SPAG16: variants seen among roughly 807,000 people sequenced by gnomAD.
SPAG16 encodes sperm associated antigen 16, also known as sperm-associated antigen 16 protein.
SPAG16 carries 86 observed loss-of-function variants against 80.4 expected under a neutral mutation model. The ratio of observed to expected loss-of-function variants is 1.07; its 90% CI spans 0.90 to 1.28. SPAG16 has a LOEUF of 1.28. Ranked by LOEUF, SPAG16 falls within the 50% of genes most tolerant of loss-of-function variation. SPAG16 has a pLI of 0.00. For synonymous variants in SPAG16, 294 were observed against 265.9 expected (o/e 1.11, Z -1.03); for missense variants, 870 against 765.3 (o/e 1.14, Z -1.61).
intron 10 of SPAG16, among the ~76,000 whole-genome samples, chr2:213,764,517 T>C (rs975168240): frequency 6.6e-6 from 1 of 152,190 alleles, no homozygotes; most frequent in Non-Finnish European, 1.5e-5. Context: ...GTATTCCACA[T>C]ATTTTTTTTA....
rs562122861 is a variant in SPAG16 at position 213,556,563 on chromosome 2, G to T, written c.1070+66473G>T. Among the ~76,000 whole-genome samples, 3 of 152,132 alleles carry T rather than the reference G, an allele frequency of 2.0e-5. No homozygotes were observed. In the South Asian group the frequency reaches 6.2e-4, roughly 32 times the overall value. ...ATGAAGATACAAAAATTATAAATGT[G>T]CACCTAACATCAGAATACCTAAGCA... is the stretch of plus-strand genomic sequence containing the variant. On this transcript the variant is annotated intron_variant, in intron 10 of 15. Transcript: ENST00000331683.
At chr2:213,468,954 T>A (rs185025415) in intron 9 of SPAG16, among the ~76,000 whole-genome samples, 51 of 152,120 alleles carry the variant, frequency 3.4e-4, no homozygotes, top group African/African-American at 1.2e-3. Context: ...CTTTTCACAA[T>A]TTTCTGTCTG....
chr2:213,521,000 C>T (rs1337045255), intron 10 of SPAG16, among the ~76,000 whole-genome samples: 1 of 152,086 alleles, frequency 6.6e-6, no homozygotes, highest in Non-Finnish European at 1.5e-5. Flanking sequence ...GCTGGGAGTG[C>T]CATCTGCCAG....
chr2:213,293,500 T>G (rs1048411175), intron 1 of SPAG16, among the ~76,000 whole-genome samples: 6 of 152,234 alleles, frequency 3.9e-5, no homozygotes, highest in Admixed American at 6.5e-5. Flanking sequence ...GACTGCTTAT[T>G]CTGGGGGTAG....
chr2:214,337,807 C>A (rs112347920), intron 15 of SPAG16, among the ~76,000 whole-genome samples: 1,954 of 152,254 alleles, frequency 0.013, 35 homozygotes, highest in African/African-American at 0.045. Context: ...TCAGGGCTTC[C>A]TTTCTGTCTT....
intron 15 of SPAG16, among the ~76,000 whole-genome samples, chr2:214,366,509 C>A (rs929251524): frequency 6.6e-6 from 1 of 152,072 alleles, no homozygotes; most frequent in African/African-American, 2.4e-5. Flanking sequence ...ATATATGTTT[C>A]TATATATTAT....
At chr2:213,739,874 C>G (rs1420869811) in intron 10 of SPAG16, among the ~76,000 whole-genome samples, 4 of 152,044 alleles carry the variant, frequency 2.6e-5, no homozygotes, top group Admixed American at 2.6e-4. Context: ...AGTGCTGGGA[C>G]CAAAAGCGTG....
intron 10 of SPAG16, among the ~76,000 whole-genome samples, chr2:213,705,192 G>C (rs1045379496): frequency 6.6e-6 from 1 of 152,092 alleles, no homozygotes; most frequent in Non-Finnish European, 1.5e-5. Context: ...AGCTTGCAGT[G>C]AGCCGTGATC....
At chr2:214,229,245 TG>T (rs1197667549) in intron 15 of SPAG16, among the ~76,000 whole-genome samples, 1 of 151,762 alleles carries the variant, frequency 6.6e-6, no homozygotes, top group Non-Finnish European at 1.5e-5. Flanking sequence ...ACGCTTCTTC[TG>T]GCTCTAAGAT....
intron 10 of SPAG16, among the ~76,000 whole-genome samples, chr2:213,656,740 G>A (rs2063237246): frequency 6.6e-6 from 1 of 152,180 alleles, no homozygotes; most frequent in Non-Finnish European, 1.5e-5. Flanking sequence ...TATATTTCTA[G>A]TAAGAAAAGT....
At chr2:213,508,165 G>A (rs2075048742) in intron 10 of SPAG16, among the ~76,000 whole-genome samples, 1 of 152,212 alleles carries the variant, frequency 6.6e-6, no homozygotes, top group African/African-American at 2.4e-5. Flanking sequence ...TATGTTTATT[G>A]CAGCACTATT....
intron 10 of SPAG16, among the ~76,000 whole-genome samples, chr2:213,556,048 T>C (rs1389875789): frequency 6.6e-6 from 1 of 152,006 alleles, no homozygotes; most frequent in East Asian, 1.9e-4. Context: ...TGTAAGAATT[T>C]TGGTAAGCAA....
intron 10 of SPAG16, among the ~76,000 whole-genome samples, chr2:213,594,799 C>A (rs1463169554): frequency 1.3e-5 from 2 of 152,088 alleles, no homozygotes; most frequent in Non-Finnish European, 2.9e-5. Context: ...CTTTTTCATT[C>A]TTTTTAAATC....
chr2:213,705,179 C>T (rs561247526), intron 10 of SPAG16, among the ~76,000 whole-genome samples: 6 of 151,680 alleles, frequency 4.0e-5, no homozygotes, highest in South Asian at 2.1e-4. Flanking sequence ...ACCTGGGAGG[C>T]GGAGCTTGCA....
chr2:213,947,696 T>C (rs1262150666), intron 12 of SPAG16, among the ~76,000 whole-genome samples: 3 of 152,120 alleles, frequency 2.0e-5, no homozygotes, highest in Non-Finnish European at 4.4e-5. Flanking sequence ...ACAAATAAAG[T>C]ACCTAATTTT....
At chr2:213,318,886 G>T (rs2063509741) in intron 5 of SPAG16, among the ~76,000 whole-genome samples, 1 of 151,764 alleles carries the variant, frequency 6.6e-6, no homozygotes, top group South Asian at 2.1e-4. Flanking sequence ...GAAAATTACT[G>T]AAAGGAAACC....
chr2:214,095,731 T>C (rs1242697060), intron 13 of SPAG16, among the ~76,000 whole-genome samples: 1 of 152,074 alleles, frequency 6.6e-6, no homozygotes, highest in Admixed American at 6.6e-5. Context: ...TTAATGTGCA[T>C]AAAGTTTCAG....
At chr2:214,022,428 A>G (rs1264928894) in intron 13 of SPAG16, among the ~76,000 whole-genome samples, 1 of 152,138 alleles carries the variant, frequency 6.6e-6, no homozygotes, top group Non-Finnish European at 1.5e-5. Context: ...CAATTTCCTC[A>G]TTTGTAAAAT....
At chr2:213,762,107 G>A (rs1164842541) in intron 10 of SPAG16, among the ~76,000 whole-genome samples, 1 of 152,164 alleles carries the variant, frequency 6.6e-6, no homozygotes, top group African/African-American at 2.4e-5. Context: ...AAACACACAT[G>A]ATTATCTCAA....
Sources: gnomAD v4.1 joint callset for allele counts (sites outside exome capture counted in the v4.1 genomes callset) on GRCh38, gnomAD v4.1.1 for gene constraint, MANE v1.5 for transcripts, NCBI Gene and HGNC (gene_info 2026-07-23, HGNC 2026-07-21) for gene names.